The following RBFOX1 variants were observed in gnomAD, a reference collection of about 807,000 sequenced individuals.
The protein encoded by RBFOX1 is RNA binding fox-1 homolog 1, also known as RNA binding protein fox-1 homolog 1.
Under a neutral mutation model 57.7 loss-of-function variants are expected in RBFOX1, and 8 were observed. The ratio of observed to expected loss-of-function variants is 0.14; its 90% CI spans 0.08 to 0.25. The LOEUF is 0.25. Among genes scored for constraint, RBFOX1 ranks in the 10% least tolerant of loss-of-function variants. The probability of loss-of-function intolerance (pLI) is 1.00; values close to 1 mark genes in which losing one functional copy is unlikely to be tolerated. For synonymous variants in RBFOX1, 326 were observed against 222.4 expected (o/e 1.47, Z -4.15); for missense variants, 611 against 548.5 (o/e 1.11, Z -1.14).
At chr16:6,995,916 A>G (rs886778785) in intron 3 of RBFOX1, among the ~76,000 whole-genome samples, 10 of 152,212 alleles carry the variant, frequency 6.6e-5, no homozygotes, top group Admixed American at 5.2e-4. Context: ...ATTAGAAAGC[A>G]TATATAGGAA....
At chr16:5,514,726 CAGG>C (rs1034976290) in intron 2 of RBFOX1, among the ~76,000 whole-genome samples, 1 of 150,304 alleles carries the variant, frequency 6.7e-6, no homozygotes, top group African/African-American at 2.5e-5. Flanking sequence ...GGAGGAGGAG[CAGG>C]AGGAGGAGGA....
intron 2 of RBFOX1, among the ~76,000 whole-genome samples, chr16:6,339,495 A>G (rs2084225121): frequency 6.6e-6 from 1 of 152,120 alleles, no homozygotes; most frequent in South Asian, 2.1e-4. Context: ...GAGATCATTC[A>G]TTGATCAAAG....
chr16:5,989,300 C>T (rs1364593780), intron 4 of RBFOX1, among the ~76,000 whole-genome samples: 2 of 152,040 alleles, frequency 1.3e-5, no homozygotes, highest in Non-Finnish European at 2.9e-5. Flanking sequence ...CACTGCACTG[C>T]AGCCTGGGTG....
At chr16:7,329,953 T>G (rs2096662951) in intron 4 of RBFOX1, among the ~76,000 whole-genome samples, 1 of 152,196 alleles carries the variant, frequency 6.6e-6, no homozygotes, top group Non-Finnish European at 1.5e-5. Context: ...TCCCTTAACA[T>G]TTGGCACTGG....
chr16:6,711,898 G>A (rs141529511), intron 3 of RBFOX1, among the ~76,000 whole-genome samples: 4 of 152,094 alleles, frequency 2.6e-5, no homozygotes, highest in African/African-American at 7.2e-5. Flanking sequence ...CACTGTTTCA[G>A]TGAGGTATTT....
At chr16:5,385,186 A>G (rs2066226368) in intron 1 of RBFOX1, among the ~76,000 whole-genome samples, 2 of 152,194 alleles carry the variant, frequency 1.3e-5, no homozygotes, top group African/African-American at 4.8e-5. Context: ...TTCAGTTCTC[A>G]CCACCACCCT....
At chr16:7,423,989 A>G (rs769946335) in intron 4 of RBFOX1, among the ~76,000 whole-genome samples, 5 of 152,198 alleles carry the variant, frequency 3.3e-5, no homozygotes, top group Non-Finnish European at 5.9e-5. Context: ...AGGATGGAGA[A>G]CTAAAGGCAT....
At chr16:6,810,198 G>A (rs2088111524) in intron 3 of RBFOX1, among the ~76,000 whole-genome samples, 1 of 152,062 alleles carries the variant, frequency 6.6e-6, no homozygotes. Context: ...AACTTGGAGT[G>A]GATTGTTAGC....
intron 9 of RBFOX1, among the ~76,000 whole-genome samples, chr16:7,606,454 G>T (rs144386678): frequency 1.3e-5 from 2 of 152,264 alleles, no homozygotes; most frequent in African/African-American, 4.8e-5. Context: ...TTAGCCAGCA[G>T]GAGCAGGAAA....
intron 3 of RBFOX1, among the ~76,000 whole-genome samples, chr16:5,794,048 T>A (rs1294171224): frequency 6.6e-6 from 1 of 152,214 alleles, no homozygotes. Flanking sequence ...TGGTCATTTG[T>A]GGTTAAGGGA....
At chr16:7,531,876 CCA>C (rs1291138503) in intron 5 of RBFOX1, among the ~76,000 whole-genome samples, 1 of 151,998 alleles carries the variant, frequency 6.6e-6, no homozygotes, top group African/African-American at 2.4e-5. Flanking sequence ...ACAACTAAAC[CCA>C]CACACATCCT....
intron 4 of RBFOX1, among the ~76,000 whole-genome samples, chr16:7,271,333 G>C (rs1374430117): frequency 4.0e-5 from 6 of 151,616 alleles, no homozygotes; most frequent in Non-Finnish European, 7.4e-5. Context: ...TGCAACAACT[G>C]GATCTTTGTT....
At chr16:6,221,712 A>G (rs755335578) in intron 1 of RBFOX1, among the ~76,000 whole-genome samples, 6 of 152,200 alleles carry the variant, frequency 3.9e-5, no homozygotes, top group African/African-American at 7.2e-5. Flanking sequence ...AAGGTGAAGG[A>G]GGAGCAAAGT....
chr16:6,840,025 C>T (rs192919165), intron 3 of RBFOX1, among the ~76,000 whole-genome samples: 207 of 152,142 alleles, frequency 1.4e-3, no homozygotes, highest in African/African-American at 4.5e-3. Context: ...ACTATGGACC[C>T]TGGGAAGGAT....
intron 1 of RBFOX1, among the ~76,000 whole-genome samples, chr16:5,388,650 C>A (rs1388717334): frequency 2.0e-5 from 3 of 152,020 alleles, no homozygotes; most frequent in African/African-American, 7.2e-5. Flanking sequence ...GATCTCAGCT[C>A]ACTGCAACCT....
chr16:5,405,553 C>A (rs1191949270), intron 1 of RBFOX1, among the ~76,000 whole-genome samples: 1 of 152,064 alleles, frequency 6.6e-6, no homozygotes, highest in Non-Finnish European at 1.5e-5. Context: ...TTATTAGCTG[C>A]GTGAGAACAG....
chr16:6,202,129 C>T (rs57169211), intron 1 of RBFOX1, among the ~76,000 whole-genome samples: 5,569 of 152,280 alleles, frequency 0.037, 142 homozygotes, highest in Middle Eastern at 0.17. Context: ...TATGTCAGAT[C>T]ATTAACCAGT....
At chr16:5,683,616 C>T (rs1360339032) in intron 3 of RBFOX1, among the ~76,000 whole-genome samples, 4 of 152,038 alleles carry the variant, frequency 2.6e-5, no homozygotes, top group African/African-American at 7.2e-5. Context: ...TGCCCTTGAA[C>T]ATCAGACTCC....
chr16:7,594,128 C>T (rs903498721), intron 7 of RBFOX1, among the ~76,000 whole-genome samples: 1 of 151,960 alleles, frequency 6.6e-6, no homozygotes, highest in African/African-American at 2.4e-5. Flanking sequence ...CTCCCCCAGC[C>T]CCCCACCCCG....
Sources: allele counts gnomAD v4.1 joint callset (sites outside exome capture counted in the v4.1 genomes callset), GRCh38; gene constraint gnomAD v4.1.1; transcripts MANE v1.5; gene names NCBI Gene and HGNC (gene_info 2026-07-23, HGNC 2026-07-21).